The following TTN variants were observed in gnomAD, a reference collection of about 807,000 sequenced individuals.
TTN encodes the protein titin.
Under a neutral mutation model 3,223.0 loss-of-function variants are expected in TTN, and 1,525 were observed. The ratio of observed to expected loss-of-function variants is 0.47; its 90% CI spans 0.45 to 0.49. The LOEUF (loss-of-function observed/expected upper bound fraction) is 0.49, where lower values mean the gene tolerates loss of function less well. Ranked by LOEUF, TTN falls within the 20% of genes least tolerant of loss-of-function variation. The probability of loss-of-function intolerance (pLI) is 0.00; values close to 1 mark genes in which losing one functional copy is unlikely to be tolerated. For missense variants in TTN, 40,786 were observed against 43,424.0 expected, an observed-to-expected ratio of 0.94 and a Z score of 5.40; for synonymous variants, 14,094 against 15,161.0, an observed-to-expected ratio of 0.93 and a Z score of 5.17.
rs764365298 is a variant in TTN, at chr2:178,577,640, G to A, written c.68786C>T (p.Ser22929Leu). ...GCAAATAATGGTTTCTGTACTTTCTGATGGAGCACTGATAGCACCTGCTGT... is the reference window on the plus strand; with the variant it reads ...GCAAATAATGGTTTCTGTACTTTCTAATGGAGCACTGATAGCACCTGCTGT... ...KNTAGAISAP[S>L]ESTETIICKD... The change falls in exon 323 of 363, where the codon TCA becomes TTA. Residue 22929 changes from serine (S) to leucine (L), a missense_variant. Ser to Leu is a moderately radical substitution (Grantham distance 145, BLOSUM62 -2). Coordinates refer to ENST00000589042, the MANE Select transcript of TTN (RefSeq NM_001267550.2). 1.2e-6 allele frequency: 2 copies of A among 1,612,538 alleles called. No individual in the cohort carries two copies. The highest frequency in any genetic ancestry group is 1.7e-6 in the Non-Finnish European group (2 of 1,179,342).
Position 178,560,042 on chromosome 2 carries a change from T to TCAGTGTCATCAGATTTTTTGTATTCTA in TTN, c.86063_86089dup (p.Val28688_Thr28696dup). On this transcript the variant is annotated inframe_insertion, in exon 326 of 363. Coordinates refer to ENST00000589042, the MANE Select transcript of TTN (RefSeq NM_001267550.2). ...TAAGCTCTGAATGGAAGTTTTCCAG[T>TCAGTGTCATCAGATTTTTTGTATTCTA]CAGTGTCATCAGATTTTTTGTATTC... 2 of 1,613,718 alleles carry TCAGTGTCATCAGATTTTTTGTATTCTA rather than the reference T, an allele frequency of 1.2e-6. No individual in the cohort carries two copies. Among genetic ancestry groups the TCAGTGTCATCAGATTTTTTGTATTCTA allele is most frequent in the Non-Finnish European group, 1.7e-6 (2 of 1,179,806 alleles).
chr2:178,732,369 T>C, intron 56 of TTN, 22 bp from the exon 57 acceptor site: 1 of 1,579,462 alleles, frequency 6.3e-7, no homozygotes, highest in African/African-American at 1.4e-5. Context: ...AGGAAGTTAT[T>C]AAGAAATGTG....
rs778940741 is a variant in TTN, at chr2:178,775,789, T to C, written c.6075A>G (p.Glu2025=). ...TCTTCCTGAGGAGTTCCTCATAGGA[T>C]TCATCCTTCTTTCGAGACTTGAGCT... ...AVELKSRKKD[E]SYEELLRKTK... The change falls in exon 28 of 363, where the codon GAA becomes GAG. Residue 2025 remains glutamate (E), a synonymous_variant. Coordinates refer to ENST00000589042, the MANE Select transcript of TTN (RefSeq NM_001267550.2). The C allele has an allele frequency of 1.2e-6, 2 of 1,613,588 alleles. No individual in the cohort carries two copies. Among genetic ancestry groups the C allele is most frequent in the Non-Finnish European group, 1.7e-6 (2 of 1,179,862 alleles).
chr2:178,638,365 T>C (rs1345956372), intron 223 of TTN, among the ~76,000 whole-genome samples: 2 of 150,924 alleles, frequency 1.3e-5, no homozygotes, highest in Non-Finnish European at 3.0e-5. Flanking sequence ...AATTATTGAA[T>C]TAATAATCTA....
At position 178,560,689 on chromosome 2, in the gene TTN, T is replaced by C. The variant is rs373326137; in HGVS notation, c.85443A>G (p.Ala28481=). The part of the protein sequence containing the change: ...SWGRPQEDGG[A]DIDYYIVEKR... ...TTTCTACGATGTAATAGTCGATATCTGCACCACCATCTTCTTGGGGACGTC... is the reference window on the plus strand; with the variant it reads ...TTTCTACGATGTAATAGTCGATATCCGCACCACCATCTTCTTGGGGACGTC... The change falls in exon 326 of 363, where the codon GCA becomes GCG. Residue 28481 remains alanine (A), a synonymous_variant. Transcript: ENST00000589042. 44 of 1,613,706 alleles carry C rather than the reference T, an allele frequency of 2.7e-5. No homozygotes were observed. In the African/African-American group the frequency reaches 4.8e-4, roughly 18 times the overall value.
Position 178,715,673 on chromosome 2 carries a change from C to T in TTN, c.25741G>A (p.Val8581Ile), listed in dbSNP as rs1014791707. 5 of 1,612,638 alleles carry T rather than the reference C, an allele frequency of 3.1e-6. No individual in the cohort carries two copies. Among genetic ancestry groups the T allele is most frequent in the East Asian group, 2.2e-5 (1 of 44,812 alleles). Residue 8581 changes from valine to isoleucine, a missense_variant, in exon 89 of 363, where the codon GTT (valine) becomes ATT (isoleucine). By Grantham distance (29) the Val-to-Ile change is conservative (BLOSUM62 3). Transcript: ENST00000589042. Reference protein sequence around the residue: ...CKIGGSPEIKVLWYKDETEIQ... With the variant: ...CKIGGSPEIKILWYKDETEIQ... ...TCAGTCTCGTCCTTATACCATAAAA[C>T]TTTGATTTCTGGAGACCCACCGATT...
intron 84 of TTN, 31 bp downstream of exon 84, chr2:178,718,664 A>C: frequency 6.2e-7 from 1 of 1,603,854 alleles, no homozygotes; most frequent in African/African-American, 1.3e-5. Context: ...AGAAATTTTA[A>C]AAGATGTATA....
Position 178,799,897 on chromosome 2 carries a change from T to C in TTN, c.597A>G (p.Val199=), listed in dbSNP as rs144214844. 13 of 1,614,036 alleles carry C rather than the reference T, an allele frequency of 8.1e-6. No homozygotes were observed. The African/African-American group carries it at 1.5e-4, about 18-fold the overall frequency. ...CAATTGTCTTTGTCTTTTTAGCAGG[T>C]ACTTCTTCTTCACCTGTGGGAAGGG... is the stretch of plus-strand genomic sequence containing the variant. ...AELLVQGEEE[V]PAKKTKTIVS... is the part of the protein sequence containing the mutation. The change falls in exon 5 of 363, where the codon GTA becomes GTG. Residue 199 remains valine, a synonymous_variant. Transcript: ENST00000589042.
intron 288 of TTN, among the ~76,000 whole-genome samples, chr2:178,600,160 T>C (rs1021562226): frequency 1.3e-5 from 2 of 151,922 alleles, no homozygotes; most frequent in East Asian, 3.9e-4. Context: ...AGAGAGGAGA[T>C]TGTAGTAGGA....
chr2:178,777,226 A>G lies in TTN; in HGVS notation c.4737T>C (p.Ala1579=), dbSNP rs746721672. The G allele has an allele frequency of 5.6e-6, 9 of 1,614,124 alleles. No homozygotes were observed. The highest frequency in any genetic ancestry group is 4.4e-5 in the South Asian group (4 of 91,080). ...EGSRLEMKVR[A]TGNPNPDIVW... ...CAATGTCAGGGTTGGGGTTACCCGT[A>G]GCTCTGACTTTCATTTCAAGTCGGG... The change falls in exon 27 of 363, where the codon GCT becomes GCC. Residue 1579 remains alanine, a synonymous_variant. Coordinates refer to ENST00000589042, the MANE Select transcript of TTN (RefSeq NM_001267550.2).
At chr2:178,730,013 C>A in intron 62 of TTN, 68 bp from the exon 63 acceptor site, 1 of 1,596,500 alleles carries the variant, frequency 6.3e-7, no homozygotes, top group Admixed American at 1.8e-5. Flanking sequence ...AAACTGCTGT[C>A]TTAAGCGTCC....
chr2:178,559,302 A>T lies in TTN; in HGVS notation c.86821+9T>A. On this transcript the variant is annotated intron_variant, in intron 326 of 362. Coordinates refer to ENST00000589042, the MANE Select transcript of TTN (RefSeq NM_001267550.2). The stretch of plus-strand genomic sequence containing the variant: ...GGATATGTAGAATTTCCTTATTCTT[A>T]AAACATACCTGTTATTTTTACTCCT... 1 of 1,570,996 alleles carries T rather than the reference A, an allele frequency of 6.4e-7. No individual in the cohort carries two copies.
Position 178,586,532 on chromosome 2 carries a change from C to T in TTN, c.64369G>A (p.Gly21457Arg). 6.2e-7 allele frequency: 1 copy of T among 1,613,162 alleles called. No homozygotes were observed. The highest frequency in any genetic ancestry group is 8.5e-7 in the Non-Finnish European group (1 of 1,179,346). Residue 21457 changes from glycine to arginine, a missense_variant, in exon 308 of 363, where the codon GGA becomes AGA. Gly to Arg is a moderately radical substitution (Grantham distance 125). Coordinates refer to ENST00000589042, the MANE Select transcript of TTN (RefSeq NM_001267550.2). ...VGVSLPREAE[G>R]VYEAKEQLLP... ...AGTTGTTCTTTGGCTTCATACACTC[C>T]TTCAGCTTCTCTTGGCAAACTGACT... is the stretch of plus-strand genomic sequence containing the variant.
chr2:178,561,813 G>A lies in TTN; in HGVS notation c.84319C>T (p.Gln28107Ter), dbSNP rs1490509249. The change falls in exon 326 of 363, where the codon CAA becomes TAA. Residue 28107 changes from glutamine to a stop codon, truncating the protein, a stop_gained. Transcript: ENST00000589042. LOFTEE classifies it high-confidence loss of function. ...TTSTTWHIVSQAVARTSIKIV... is the reference protein window; with the variant it reads ...TTSTTWHIVS ...TTAATGGATGTTCTTGCAACTGCTTGTGAAACTATGTGCCATGTTGTAGAG... is the reference window on the plus strand; with the variant it reads ...TTAATGGATGTTCTTGCAACTGCTTATGAAACTATGTGCCATGTTGTAGAG... The A allele has an allele frequency of 6.2e-7, 1 of 1,613,552 alleles. No homozygotes were observed. Among genetic ancestry groups the A allele is most frequent in the Non-Finnish European group, 8.5e-7 (1 of 1,179,760 alleles).
rs1171065121 is a variant in TTN, at chr2:178,558,421, A to G, written c.87038T>C (p.Phe29013Ser). 6.2e-7 allele frequency: 1 copy of G among 1,613,760 alleles called. No homozygotes were observed. Among genetic ancestry groups the G allele is most frequent in the East Asian group, 2.2e-5 (1 of 44,796 alleles). Residue 29013 changes from phenylalanine (F) to serine (S), a missense_variant, in exon 327 of 363, where the codon TTC (phenylalanine) becomes TCC (serine). Physicochemically the swap from Phe to Ser is radical, Grantham distance 155. Coordinates refer to ENST00000589042, the MANE Select transcript of TTN (RefSeq NM_001267550.2). ...SGLRENSEYF[F>S]RVFAENQAGL... ...AGCTTGATTTTCAGCAAACACTCGG[A>G]AAAAGTATTCAGAATTCTCTCTCAG...
intron 88 of TTN, among the ~76,000 whole-genome samples, chr2:178,716,272 T>C (rs181901162): frequency 6.6e-6 from 1 of 152,288 alleles, no homozygotes; most frequent in African/African-American, 2.4e-5. Flanking sequence ...CTTTTAGGTG[T>C]TAAATGGGTA....
At position 178,738,085 on chromosome 2, in the gene TTN, T is replaced by C; in HGVS notation, c.14368A>G (p.Thr4790Ala). The C allele has an allele frequency of 6.2e-7, 1 of 1,611,930 alleles. No individual in the cohort carries two copies. Among genetic ancestry groups the C allele is most frequent in the Non-Finnish European group, 8.5e-7 (1 of 1,178,268 alleles). ...SVSCTATLTV[T>A]EAYPPTFLSR... is the part of the protein sequence containing the mutation. Reference sequence around the variant, plus strand: ...TGTGCCAATGTATGGCATTTACCTGTCACAGTTAGTGTGGCTGTACAGCTG... The same window carrying C: ...TGTGCCAATGTATGGCATTTACCTGCCACAGTTAGTGTGGCTGTACAGCTG... The change falls in exon 49 of 363, where the codon ACA (threonine) becomes GCA (alanine). Residue 4790 changes from threonine to alanine, a missense_variant. Thr to Ala is a moderately conservative substitution (Grantham distance 58). Transcript: ENST00000589042.
intron 47 of TTN, chr2:178,747,411 A>G: frequency 6.2e-7 from 1 of 1,613,404 alleles, no homozygotes; most frequent in Middle Eastern, 1.7e-4. Flanking sequence ...GGAGATTCAA[A>G]ATATTCAACA....
rs756119444 is a variant in TTN, at chr2:178,740,636, A to G, written c.12597T>C (p.Val4199=). 6.2e-7 allele frequency: 1 copy of G among 1,613,726 alleles called. No individual in the cohort carries two copies. The highest frequency in any genetic ancestry group is 1.3e-5 in the African/African-American group (1 of 74,920). The change falls in exon 48 of 363, where the codon GTT becomes GTC. Residue 4199 remains valine (V), a synonymous_variant. Coordinates refer to ENST00000589042, the MANE Select transcript of TTN (RefSeq NM_001267550.2). The part of the protein sequence containing the change: ...MSIEQINSLT[V]EPLKTLLAEP... ...CAGCTAATAAAGTTTTCAGAGGCTC[A>G]ACTGTTAATGAATTAATTTGTTCTA...
Sources: gnomAD v4.1 joint callset for allele counts (sites outside exome capture counted in the v4.1 genomes callset) on GRCh38, gnomAD v4.1.1 for gene constraint, MANE v1.5 for transcripts, NCBI Gene and HGNC (gene_info 2026-07-23, HGNC 2026-07-21) for gene names.